The following BRIP1 variants were observed in gnomAD, a reference collection of about 807,000 sequenced individuals.
BRIP1 encodes BRCA1 interacting DNA helicase 1, also known as Fanconi anemia group J protein.
In BRIP1, 88 loss-of-function variants were observed where a neutral mutation model predicts 119.7. The ratio of observed to expected loss-of-function variants is 0.74; its 90% CI spans 0.62 to 0.88. The LOEUF (loss-of-function observed/expected upper bound fraction) is 0.88. Among genes scored for constraint, BRIP1 ranks in the 40% least tolerant of loss-of-function variants. The pLI, the probability that BRIP1 is intolerant of heterozygous loss-of-function variation, is 0.00. For missense variants in BRIP1, 1,259 were observed against 1,455.4 expected (o/e 0.87, Z 2.20); for synonymous variants, 443 against 496.5 (o/e 0.89, Z 1.43).
At position 61,722,726 on chromosome 17, in the gene BRIP1, G is replaced by A. The variant is rs1163438501; in HGVS notation, c.2380-6663C>T. Among the ~76,000 whole-genome samples, 1 of 152,218 alleles carries A rather than the reference G, an allele frequency of 6.6e-6. No individual in the cohort carries two copies. Among genetic ancestry groups the A allele is most frequent in the Non-Finnish European group, 1.5e-5 (1 of 68,036 alleles). The stretch of plus-strand genomic sequence containing the variant: ...ATTAGTTATAAATGGAATATTTAGA[G>A]TGAATGTAGCAACTATTAGATTAAA... On this transcript the variant is annotated intron_variant, in intron 16 of 19. Transcript: ENST00000259008. This position sits in a 1 kb window ranked among gnomAD's most constrained non-coding sequence, Gnocchi z 4.6.
rs140581962 is a variant in BRIP1, at chr17:61,804,446, G to GTGTA, written c.919-2973_919-2972insTACA. On this transcript the variant is annotated intron_variant, in intron 7 of 19. Transcript: ENST00000259008. This position sits in a 1 kb window ranked among gnomAD's most constrained non-coding sequence, Gnocchi z 4.5. ...TGTGTGTGTGTGTGTGTGTGTGTGT[G>GTGTA]TATGTGTGTGTACATACACATACAT... 0.25 allele frequency among the ~76,000 whole-genome samples: 35,018 copies of GTGTA among 140,648 alleles called. 5,205 individuals are homozygous for GTGTA. The highest frequency in any genetic ancestry group is 0.33 in the Middle Eastern group (90 of 270). 92.3% of individuals were successfully genotyped at this position (140,648 alleles called of 152,430 possible). A position where few individuals can be genotyped will look rare whatever the true frequency, so the allele number is the denominator to read the frequency against.
chr17:61,719,551 C>T (rs1400888004), intron 16 of BRIP1, among the ~76,000 whole-genome samples: 2 of 151,626 alleles, frequency 1.3e-5, no homozygotes, highest in African/African-American at 4.8e-5. Context: ...GGTGAAATCC[C>T]GTCTTTACTA....
chr17:61,859,049 CAAA>C (rs34782273), intron 3 of BRIP1, among the ~76,000 whole-genome samples: 7 of 45,112 alleles, frequency 1.6e-4, no homozygotes, highest in African/African-American at 1.6e-4. Flanking sequence ...TGACGCCACT[CAAA>C]AAAAAAAAAA....
rs1327862011 is a variant in BRIP1 at position 61,794,896 on chromosome 17, G to C, written c.1341-1167C>G. Among the ~76,000 whole-genome samples the C allele has an allele frequency of 1.3e-5, 2 of 151,634 alleles. No individual in the cohort carries two copies. Among genetic ancestry groups the C allele is most frequent in the African/African-American group, 4.8e-5 (2 of 41,288 alleles). ...AAGAAAAGAAATATCCAAGCAGAAGGAACAGCTAGGAGAAAGGTCCTGAGG... is the reference window on the plus strand; with the variant it reads ...AAGAAAAGAAATATCCAAGCAGAAGCAACAGCTAGGAGAAAGGTCCTGAGG... On this transcript the variant is annotated intron_variant, in intron 9 of 19. Transcript: ENST00000259008. This position sits in a 1 kb window ranked among gnomAD's most constrained non-coding sequence, Gnocchi z 4.3.
At position 61,690,704 on chromosome 17, in the gene BRIP1, G is replaced by T. The variant is rs538690792; in HGVS notation, c.2575+2726C>A. Among the ~76,000 whole-genome samples, 11 of 152,120 alleles carry T rather than the reference G, an allele frequency of 7.2e-5. No individual in the cohort carries two copies. In the South Asian group the frequency reaches 2.3e-3, roughly 32 times the overall value. On this transcript the variant is annotated intron_variant, in intron 18 of 19. Transcript: ENST00000259008. The surrounding 1 kb of genome is among the most constrained non-coding windows in gnomAD (Gnocchi z 5.6). ...GAATCCTAGCCAGACTATTAGGCAA[G>T]AAAATGAAATAAAAGGAATCCAAAT...
rs587781292 is a variant in BRIP1, at chr17:61,859,868, C to T, written c.133G>A (p.Glu45Lys). Residue 45 changes from glutamate to lysine, a missense_variant, in exon 3 of 20, where the codon GAG becomes AAG. Transcript: ENST00000259008. ...CTTTTTCCACTTCCTGTGGGACTCT[C>T]CAACAAACAATGTTGCTTGCTGTTT... is the stretch of plus-strand genomic sequence containing the variant. Reference protein sequence around the residue: ...GLNSKQHCLLESPTGSGKSLA... With the variant: ...GLNSKQHCLLKSPTGSGKSLA... 3.7e-6 allele frequency: 6 copies of T among 1,613,778 alleles called. No homozygotes were observed. The highest frequency in any genetic ancestry group is 4.2e-6 in the Non-Finnish European group (5 of 1,179,856).
chr17:61,840,966 G>C (rs779217740), intron 6 of BRIP1, among the ~76,000 whole-genome samples: 2 of 152,006 alleles, frequency 1.3e-5, no homozygotes, highest in Non-Finnish European at 2.9e-5. Context: ...AACACATATC[G>C]GGGAAAGGAC....
Position 61,708,876 on chromosome 17 carries a change from C to G in BRIP1, c.2492+7075G>C, listed in dbSNP as rs2144321513. On this transcript the variant is annotated intron_variant, in intron 17 of 19. Transcript: ENST00000259008. The surrounding 1 kb of genome is among the most constrained non-coding windows in gnomAD (Gnocchi z 4.4). The stretch of plus-strand genomic sequence containing the variant: ...TTCTACACGCTTGGTAGATGTAAGA[C>G]TGATTGTCAGCCTACTCAGAGCTGA... Among the ~76,000 whole-genome samples, 1 of 152,216 alleles carries G rather than the reference C, an allele frequency of 6.6e-6. No individual in the cohort carries two copies. The highest frequency in any genetic ancestry group is 2.1e-4 in the South Asian group (1 of 4,828).
At chr17:61,785,454 T>C (rs1257043016) in intron 10 of BRIP1, among the ~76,000 whole-genome samples, 1 of 152,104 alleles carries the variant, frequency 6.6e-6, no homozygotes, top group Non-Finnish European at 1.5e-5. Context: ...GACAATAAAA[T>C]GTGTTCAATG....
chr17:61,795,877 A>G lies in BRIP1; in HGVS notation c.1341-2148T>C, dbSNP rs7214884. Among the ~76,000 whole-genome samples the G allele has an allele frequency of 0.79, 120,344 of 152,020 alleles. 48,252 individuals are homozygous for G. Among genetic ancestry groups the G allele is most frequent in the African/African-American group, 0.89 (36,996 of 41,510 alleles). ...CCTAATTTACATTCCCACCAACAGT[A>G]TACGAGGGTTGTCTTTTCTCCACAT... On this transcript the variant is annotated intron_variant, in intron 9 of 19. Transcript: ENST00000259008. The surrounding 1 kb of genome is among the most constrained non-coding windows in gnomAD (Gnocchi z 5.6).
At chr17:61,786,247 G>A (rs769464391) in intron 10 of BRIP1, among the ~76,000 whole-genome samples, 1 of 151,784 alleles carries the variant, frequency 6.6e-6, no homozygotes, top group Admixed American at 6.6e-5. Flanking sequence ...GAGTGTGTGC[G>A]TGTCTAAAGG....
Position 61,852,456 on chromosome 17 carries a change from T to C in BRIP1, c.380-3200A>G, listed in dbSNP as rs2078835600. ...GGCTGAGGCGAGTGATCATTTGAGG[T>C]CAGGAGTTAGAGATCAGCCTGGCCA... On this transcript the variant is annotated intron_variant, in intron 4 of 19. Coordinates refer to ENST00000259008, the MANE Select transcript of BRIP1 (RefSeq NM_032043.3). This position sits in a 1 kb window ranked among gnomAD's most constrained non-coding sequence, Gnocchi z 4.9. Among the ~76,000 whole-genome samples the C allele has an allele frequency of 6.6e-6, 1 of 152,010 alleles. No individual in the cohort carries two copies. Among genetic ancestry groups the C allele is most frequent in the South Asian group, 2.1e-4 (1 of 4,826 alleles).
In BRIP1 at chr17:61,843,141, T is replaced by C. The variant is rs1217352067; in HGVS notation, c.627+3960A>G. ...AAGGAAAAATACTACATGATCTCAC[T>C]TATACGTGGAATCTAAAAAAGTCAA... is the stretch of plus-strand genomic sequence containing the variant. On this transcript the variant is annotated intron_variant, in intron 6 of 19. Transcript: ENST00000259008. The surrounding 1 kb of genome is among the most constrained non-coding windows in gnomAD (Gnocchi z 5.7). 6.6e-6 allele frequency among the ~76,000 whole-genome samples: 1 copy of C among 152,158 alleles called. No individual in the cohort carries two copies. Among genetic ancestry groups the C allele is most frequent in the African/African-American group, 2.4e-5 (1 of 41,436 alleles).
Position 61,831,072 on chromosome 17 carries a change from T to A in BRIP1, c.627+16029A>T, listed in dbSNP as rs2078485812. Among the ~76,000 whole-genome samples the A allele has an allele frequency of 6.6e-6, 1 of 152,178 alleles. No homozygotes were observed. The highest frequency in any genetic ancestry group is 2.4e-5 in the African/African-American group (1 of 41,442). The stretch of plus-strand genomic sequence containing the variant: ...AAAACTTTAAATATAAAATCCAACA[T>A]CCACTCATTATAAAAATGTTCAGCC... On this transcript the variant is annotated intron_variant, in intron 6 of 19. Coordinates refer to ENST00000259008, the MANE Select transcript of BRIP1 (RefSeq NM_032043.3). This position sits in a 1 kb window ranked among gnomAD's most constrained non-coding sequence, Gnocchi z 4.1.
intron 4 of BRIP1, among the ~76,000 whole-genome samples, chr17:61,850,489 C>T (rs1400495157): frequency 1.3e-5 from 2 of 152,142 alleles, no homozygotes; most frequent in African/African-American, 4.8e-5. Context: ...AAAGGATTTA[C>T]AGCAGAGAAA....
intron 14 of BRIP1, among the ~76,000 whole-genome samples, chr17:61,772,157 T>TTATATATATATA (rs71150699): frequency 2.6e-5 from 2 of 76,862 alleles, no homozygotes; most frequent in Admixed American, 1.2e-4. Context: ...AAATGTGAGA[T>TTATATATATATA]TATATATATA....
At position 61,815,029 on chromosome 17, in the gene BRIP1, G is replaced by C. The variant is rs1434009143; in HGVS notation, c.628-6272C>G. 6.6e-6 allele frequency among the ~76,000 whole-genome samples: 1 copy of C among 151,030 alleles called. No individual in the cohort carries two copies. The highest frequency in any genetic ancestry group is 1.5e-5 in the Non-Finnish European group (1 of 67,740). On this transcript the variant is annotated intron_variant, in intron 6 of 19. Transcript: ENST00000259008. This position sits in a 1 kb window ranked among gnomAD's most constrained non-coding sequence, Gnocchi z 4.1. ...ATAAAAATATAAAACTTCAGGTAGAGAGTGAGGAATCAAGACTATGGAAGA... is the reference window on the plus strand; with the variant it reads ...ATAAAAATATAAAACTTCAGGTAGACAGTGAGGAATCAAGACTATGGAAGA...
rs2062026368 is a variant in BRIP1, at chr17:61,724,144, CA to C, written c.2380-8082del. On this transcript the variant is annotated intron_variant, in intron 16 of 19. Transcript: ENST00000259008. The surrounding 1 kb of genome is among the most constrained non-coding windows in gnomAD (Gnocchi z 5.1). ...CTGCATCAAAATCTAACCTAACTGA[CA>C]TAAGTAGAAATAAGATCCTCAATAT... Among the ~76,000 whole-genome samples, 1 of 152,002 alleles carries C rather than the reference CA, an allele frequency of 6.6e-6. No homozygotes were observed. The highest frequency in any genetic ancestry group is 1.9e-4 in the East Asian group (1 of 5,194).
In BRIP1 at chr17:61,735,940, C is replaced by T. The variant is rs547868272; in HGVS notation, c.2379+7073G>A. On this transcript the variant is annotated intron_variant, in intron 16 of 19. Coordinates refer to ENST00000259008, the MANE Select transcript of BRIP1 (RefSeq NM_032043.3). This position sits in a 1 kb window ranked among gnomAD's most constrained non-coding sequence, Gnocchi z 4.4. Reference sequence around the variant, plus strand: ...GCAGCAGTTTTGTGGAACCCTGACCCAGCTAAGCCATGCCCACACTTGTGA... The same window carrying T: ...GCAGCAGTTTTGTGGAACCCTGACCTAGCTAAGCCATGCCCACACTTGTGA... Among the ~76,000 whole-genome samples, 5 of 152,216 alleles carry T rather than the reference C, an allele frequency of 3.3e-5. No homozygotes were observed. The East Asian group carries it at 9.7e-4, about 29-fold the overall frequency.
Sources: allele counts gnomAD v4.1 joint callset (sites outside exome capture counted in the v4.1 genomes callset), GRCh38; gene constraint gnomAD v4.1.1; non-coding constraint Gnocchi (gnomAD v3.1); transcripts MANE v1.5; gene names NCBI Gene and HGNC (gene_info 2026-07-23, HGNC 2026-07-21).